Variants in CSMD2 observed in about 807,000 individuals in gnomAD.
CSMD2 encodes the protein CUB and Sushi multiple domains 2, also known as CUB and sushi domain-containing protein 2.
Under a neutral mutation model 398.5 loss-of-function variants are expected in CSMD2, and 130 were observed. The ratio of observed to expected loss-of-function variants is 0.33; its 90% CI spans 0.28 to 0.38. The LOEUF is 0.38. Among genes scored for constraint, CSMD2 ranks in the 10% least tolerant of loss-of-function variants. The probability of loss-of-function intolerance (pLI) is 1.00; values close to 1 mark genes in which losing one functional copy is unlikely to be tolerated. For missense variants in CSMD2, 3,829 were observed against 4,764.9 expected (o/e 0.80, Z 5.78); for synonymous variants, 1,828 against 1,908.5 (o/e 0.96, Z 1.10).
chr1:33,699,236 G>C (rs78258255), intron 23 of CSMD2, among the ~76,000 whole-genome samples: 17 of 152,160 alleles, frequency 1.1e-4, no homozygotes. Flanking sequence ...TTGCTAGCAG[G>C]AGCGTTCTTT....
At chr1:33,991,461 T>C (rs1254650085) in intron 3 of CSMD2, among the ~76,000 whole-genome samples, 3 of 152,194 alleles carry the variant, frequency 2.0e-5, no homozygotes, top group Non-Finnish European at 4.4e-5. Context: ...CTAGAAAATC[T>C]TGGAAATTCT....
chr1:33,792,007 T>C (rs1027428057), intron 11 of CSMD2, among the ~76,000 whole-genome samples: 24 of 152,198 alleles, frequency 1.6e-4, no homozygotes, highest in Admixed American at 1.3e-3. Context: ...CAGGGAGCTC[T>C]GAGCATGCAG....
chr1:33,555,839 C>A (rs192708319), intron 55 of CSMD2, among the ~76,000 whole-genome samples: 2 of 152,112 alleles, frequency 1.3e-5, no homozygotes, highest in African/African-American at 2.4e-5. Context: ...TATTTTATTG[C>A]GATTTTTGCT....
chr1:33,907,556 A>C (rs1249777707), intron 5 of CSMD2, among the ~76,000 whole-genome samples: 1 of 152,130 alleles, frequency 6.6e-6, no homozygotes, highest in Non-Finnish European at 1.5e-5. Flanking sequence ...CTCTTCAAGA[A>C]GCTTGGGTGA....
chr1:33,707,757 A>T (rs1194512627), intron 22 of CSMD2, among the ~76,000 whole-genome samples: 1 of 151,146 alleles, frequency 6.6e-6, no homozygotes, highest in Non-Finnish European at 1.5e-5. Flanking sequence ...TACACCCCAG[A>T]GGACATATGC....
At chr1:33,868,469 G>A (rs1322772266) in intron 5 of CSMD2, among the ~76,000 whole-genome samples, 1 of 152,158 alleles carries the variant, frequency 6.6e-6, no homozygotes, top group African/African-American at 2.4e-5. Flanking sequence ...CAGGCGCGGT[G>A]GCTCATACCT....
In CSMD2 at chr1:33,567,869, A is replaced by G. The variant is rs1455482695; in HGVS notation, c.8132-28T>C. The G allele has an allele frequency of 2.6e-6, 4 of 1,550,154 alleles. No homozygotes were observed. The East Asian group carries it at 9.8e-5, about 38-fold the overall frequency. On this transcript the variant is annotated intron_variant, in intron 52 of 70. Transcript: ENST00000373381. ...AGAGACAGGGATGGTGGGGAAAAGG[A>G]CCAACTATCCCACAACTCATTACTT...
chr1:33,646,235 G>A (rs1171779283), intron 29 of CSMD2, among the ~76,000 whole-genome samples: 1 of 152,218 alleles, frequency 6.6e-6, no homozygotes, highest in Non-Finnish European at 1.5e-5. Context: ...TAGGGATGTT[G>A]AAGTTACCCA....
intron 2 of CSMD2, among the ~76,000 whole-genome samples, chr1:34,039,553 G>A (rs967104656): frequency 1.6e-4 from 25 of 152,310 alleles, no homozygotes; most frequent in Admixed American, 6.5e-5. Flanking sequence ...AGACACTGCC[G>A]CTGAAAAGAT....
In CSMD2 at chr1:34,032,661, G is replaced by T; in HGVS notation, c.450C>A (p.Thr150=). The part of the protein sequence containing the change: ...QLPATIVSAA[T]TLSLRLISDY... ...CGCTGATGAGGCGCAGAGAGAGGGT[G>T]GTGGCTGCACTAACAATGGTGGCTG... is the stretch of plus-strand genomic sequence containing the variant. Residue 150 remains threonine (T), a synonymous_variant, in exon 3 of 71, where the codon ACC becomes ACA. Coordinates refer to ENST00000373381, the MANE Select transcript of CSMD2 (RefSeq NM_001281956.2). 1 of 1,602,522 alleles carries T rather than the reference G, an allele frequency of 6.2e-7. No individual in the cohort carries two copies. Among genetic ancestry groups the T allele is most frequent in the Non-Finnish European group, 8.5e-7 (1 of 1,174,648 alleles).
At chr1:33,747,597 G>A (rs754877855) in intron 13 of CSMD2, among the ~76,000 whole-genome samples, 57 of 152,262 alleles carry the variant, frequency 3.7e-4, no homozygotes, top group Admixed American at 1.7e-3. Context: ...ATGGGGTAGG[G>A]GGGTTGTAAC....
In CSMD2 at chr1:33,624,579, C is replaced by T. The variant is rs548355797; in HGVS notation, c.5565G>A (p.Pro1855=). The part of the protein sequence containing the change: ...GTILSPGFPE[P]YLNSLNCVWK... ...ACACACAGTTGAGGCTGTTGAGGTA[C>T]GGCTCTGGGAAGCCAGGGGACAGGA... is the stretch of plus-strand genomic sequence containing the variant. Residue 1855 remains proline, a synonymous_variant, in exon 35 of 71, where the codon CCG becomes CCA. Coordinates refer to ENST00000373381, the MANE Select transcript of CSMD2 (RefSeq NM_001281956.2). This position sits in a 1 kb window ranked among gnomAD's most constrained non-coding sequence, Gnocchi z 4.7. 16 of 1,613,974 alleles carry T rather than the reference C, an allele frequency of 9.9e-6. No individual in the cohort carries two copies. Among genetic ancestry groups the T allele is most frequent in the Middle Eastern group, 1.7e-4 (1 of 6,060 alleles).
At chr1:33,689,698 C>T (rs149499340) in intron 25 of CSMD2, among the ~76,000 whole-genome samples, 150 of 152,198 alleles carry the variant, frequency 9.9e-4, no homozygotes, top group Non-Finnish European at 1.8e-3. Context: ...ACATTACGGC[C>T]GCTATGCCAT....
At chr1:33,707,557 A>C (rs537542958) in intron 22 of CSMD2, among the ~76,000 whole-genome samples, 40 of 152,220 alleles carry the variant, frequency 2.6e-4, no homozygotes, top group Non-Finnish European at 5.3e-4. Context: ...TAAGAAGCCA[A>C]TGAGATTGTT....
intron 43 of CSMD2, among the ~76,000 whole-genome samples, chr1:33,601,743 A>G (rs1429439310): frequency 2.6e-5 from 4 of 152,268 alleles, no homozygotes; most frequent in South Asian, 2.1e-4. Flanking sequence ...CTTGTTGTAT[A>G]TAACTACATA....
chr1:33,672,279 C>T (rs968730919), intron 25 of CSMD2, among the ~76,000 whole-genome samples: 50 of 152,210 alleles, frequency 3.3e-4, no homozygotes, highest in Admixed American at 1.4e-3. Context: ...CCTAATACTG[C>T]GCTTTTCCAA....
At position 33,535,347 on chromosome 1, in the gene CSMD2, A is replaced by G. The variant is rs1253003355; in HGVS notation, c.9880-1440T>C. ...GTTAATTTCCTTGCCTTGTTAAAAA[A>G]CAATCCTATCACATATGTGCATACA... On this transcript the variant is annotated intron_variant, in intron 62 of 70. Transcript: ENST00000373381. Among the ~76,000 whole-genome samples, 7 of 152,366 alleles carry G rather than the reference A, an allele frequency of 4.6e-5. No individual in the cohort carries two copies. The South Asian group carries it at 1.2e-3, about 27-fold the overall frequency.
intron 65 of CSMD2, 79 bp downstream of exon 65, chr1:33,527,117 C>A: frequency 7.6e-7 from 1 of 1,319,856 alleles, no homozygotes; most frequent in South Asian, 1.2e-5. Context: ...CAGCAACTCT[C>A]AGCAACACGA....
chr1:33,921,114 G>A (rs549476364), intron 4 of CSMD2, among the ~76,000 whole-genome samples: 3 of 152,188 alleles, frequency 2.0e-5, no homozygotes, highest in South Asian at 2.1e-4. Flanking sequence ...CTTGAATGCC[G>A]AGTAGAGGAG....
Sources: gnomAD v4.1 joint callset for allele counts (sites outside exome capture counted in the v4.1 genomes callset) on GRCh38, gnomAD v4.1.1 for gene constraint, Gnocchi (gnomAD v3.1) non-coding constraint, MANE v1.5 for transcripts, NCBI Gene and HGNC (gene_info 2026-07-23, HGNC 2026-07-21) for gene names.